DLG3: variants seen among roughly 807,000 people sequenced by gnomAD.
The protein encoded by DLG3 is discs large MAGUK scaffold protein 3, also known as disks large homolog 3.
A neutral mutation model predicts 64.1 loss-of-function variants in DLG3; 1 was observed. The ratio of observed to expected loss-of-function variants is 0.02; its 90% CI spans 0.01 to 0.07. The LOEUF (loss-of-function observed/expected upper bound fraction) is 0.07, where lower values mean the gene tolerates loss of function less well. DLG3 is among the 10% of genes least tolerant of loss of function. The pLI, the probability that DLG3 is intolerant of heterozygous loss-of-function variation, is 1.00. For synonymous variants in DLG3, 245 were observed against 259.8 expected (o/e 0.94, Z 0.55); for missense variants, 429 against 669.5 (o/e 0.64, Z 3.96).
chrX:70,466,445 T>C (rs2086888821), intron 9 of DLG3, among the ~76,000 whole-genome samples: 1 of 108,729 alleles, frequency 9.2e-6, no homozygotes, highest in Admixed American at 9.9e-5. Context: ...TGCTTTCTTT[T>C]TTTTTTTTTT....
chrX:70,500,790 G>T (rs1179575186), intron 17 of DLG3, 108 bp from the exon 18 acceptor site: 2 of 816,314 alleles, frequency 2.5e-6, no homozygotes, highest in East Asian at 6.9e-5. Flanking sequence ...GGCCACTGCT[G>T]CTCTGAGAGG....
intron 7 of DLG3, 198 bp downstream of exon 7, chrX:70,452,224 G>A (rs750022916): frequency 2.8e-6 from 3 of 1,080,036 alleles, no homozygotes; most frequent in Non-Finnish European, 3.6e-6. Flanking sequence ...GCAGGGACAA[G>A]CTCTACCATC....
At chrX:70,472,594 C>T (rs749092017) in intron 9 of DLG3, among the ~76,000 whole-genome samples, 1 of 111,181 alleles carries the variant, frequency 9.0e-6, no homozygotes, top group East Asian at 2.8e-4. Context: ...GAGAGCTTCC[C>T]AGTATTGGAC....
rs182485315 is a variant in DLG3, at chrX:70,483,253, C to T, written c.1520+3989C>T. ...AAGCTATGATCATGACACTGTATTCCGTCCTGGGTAACAGAGCAAGACCTT... is the reference window on the plus strand; with the variant it reads ...AAGCTATGATCATGACACTGTATTCTGTCCTGGGTAACAGAGCAAGACCTT... On this transcript the variant is annotated intron_variant, in intron 10 of 18. Coordinates refer to ENST00000374360, the MANE Select transcript of DLG3 (RefSeq NM_021120.4). Among the ~76,000 whole-genome samples the T allele has an allele frequency of 4.0e-4, 45 of 112,226 alleles. 1 individual carries two copies. The highest frequency in any genetic ancestry group is 3.4e-3 in the South Asian group (9 of 2,681).
chrX:70,496,078 A>G (rs1179041318), intron 13 of DLG3, among the ~76,000 whole-genome samples: 1 of 112,093 alleles, frequency 8.9e-6, no homozygotes, highest in African/African-American at 3.2e-5. Context: ...CTCCAACCTC[A>G]TTTTCCTTTC....
intron 10 of DLG3, among the ~76,000 whole-genome samples, chrX:70,491,562 G>A (rs1317966849): frequency 8.9e-6 from 1 of 112,594 alleles, no homozygotes; most frequent in Non-Finnish European, 1.9e-5. Flanking sequence ...GTAAGAGAAA[G>A]AGACCGCACT....
rs181097075 is a variant in DLG3 at position 70,489,178 on chromosome X, G to A, written c.1521-2929G>A. On this transcript the variant is annotated intron_variant, in intron 10 of 18. Coordinates refer to ENST00000374360, the MANE Select transcript of DLG3 (RefSeq NM_021120.4). ...ATGCTGTGGTTAAAAACATAAGCCC[G>A]AATAGTACAATTCCCAATGTGCAGA... is the stretch of plus-strand genomic sequence containing the variant. 4.7e-4 allele frequency among the ~76,000 whole-genome samples: 53 copies of A among 112,326 alleles called. No individual in the cohort carries two copies. The East Asian group carries it at 0.011, about 24-fold the overall frequency.
rs909249105 is a variant in DLG3 at position 70,502,018 on chromosome X, C to G, written c.2348-145C>G. On this transcript the variant is annotated intron_variant, in intron 18 of 18. Transcript: ENST00000374360. ...GCCAGCCAGTGAACCCAAGCCCAAA[C>G]CCATACTCCTGGGAACATGTCCTTC... is the stretch of plus-strand genomic sequence containing the variant. The G allele has an allele frequency of 2.2e-5, 11 of 511,388 alleles. No individual in the cohort carries two copies. The East Asian group carries it at 2.3e-4, about 11-fold the overall frequency. The allele number at this position is 511,388 out of a possible 1,213,427, so 42.1% of individuals were successfully genotyped here. A position where few individuals can be genotyped will look rare whatever the true frequency, so the allele number is the denominator to read the frequency against.
chrX:70,466,856 C>T (rs1208062999), intron 9 of DLG3, among the ~76,000 whole-genome samples: 1 of 111,725 alleles, frequency 9.0e-6, no homozygotes, highest in Non-Finnish European at 1.9e-5. Flanking sequence ...CTTGCCTACC[C>T]GAGGGCAAAT....
chrX:70,453,078 T>C, intron 7 of DLG3: 1 of 218,137 alleles, frequency 4.6e-6, no homozygotes, highest in Non-Finnish European at 8.2e-6. Context: ...TGCAACCCCC[T>C]GGGGCTACAT....
At chrX:70,481,276 G>A (rs954393336) in intron 10 of DLG3, among the ~76,000 whole-genome samples, 2 of 112,284 alleles carry the variant, frequency 1.8e-5, no homozygotes, top group Non-Finnish European at 3.8e-5. Flanking sequence ...TTAAAAAGAA[G>A]AAAATATCCC....
At chrX:70,448,708 T>C in intron 1 of DLG3, 1 of 1,048,527 alleles carries the variant, frequency 9.5e-7, no homozygotes, top group South Asian at 2.0e-5. Context: ...TGGGCTGATA[T>C]GGTTGGAAGC....
intron 10 of DLG3, among the ~76,000 whole-genome samples, chrX:70,479,560 C>T (rs887109411): frequency 2.7e-5 from 3 of 111,890 alleles, no homozygotes; most frequent in African/African-American, 9.7e-5. Context: ...GTCAAATGTT[C>T]AAAGTACTTT....
chrX:70,500,144 A>G, intron 16 of DLG3, 95 bp downstream of exon 16: 1 of 838,650 alleles, frequency 1.2e-6, no homozygotes, highest in Non-Finnish European at 1.7e-6. Flanking sequence ...GCTGCCCAAC[A>G]GTGCTGCTGA....
intron 9 of DLG3, among the ~76,000 whole-genome samples, chrX:70,457,330 G>A (rs990821935): frequency 3.6e-5 from 4 of 111,705 alleles, no homozygotes; most frequent in Non-Finnish European, 7.5e-5. Context: ...GATGTGGAGG[G>A]GAAGGTTAGA....
intron 9 of DLG3, among the ~76,000 whole-genome samples, chrX:70,471,415 C>T (rs1431886634): frequency 1.0e-4 from 11 of 107,929 alleles, no homozygotes; most frequent in Admixed American, 8.9e-4. Context: ...CTGCAAGCTC[C>T]GCCTCCTGGG....
chrX:70,481,967 A>G (rs190625082), intron 10 of DLG3, among the ~76,000 whole-genome samples: 13 of 112,014 alleles, frequency 1.2e-4, no homozygotes, highest in African/African-American at 3.6e-4. Context: ...ACAGACCTGC[A>G]TATCTACTAC....
At chrX:70,491,695 G>A (rs1478187695) in intron 10 of DLG3, among the ~76,000 whole-genome samples, 1 of 111,974 alleles carries the variant, frequency 8.9e-6, no homozygotes, top group African/African-American at 3.2e-5. Context: ...CATTGTTTGG[G>A]ATTGTAGTTA....
chrX:70,484,934 C>T (rs143889791), intron 10 of DLG3, among the ~76,000 whole-genome samples: 232 of 112,150 alleles, frequency 2.1e-3, no homozygotes, highest in African/African-American at 7.2e-3. Flanking sequence ...TGCTGTTAGG[C>T]TGCTCTTCAG....
Sources: allele counts gnomAD v4.1 joint callset (sites outside exome capture counted in the v4.1 genomes callset), GRCh38; gene constraint gnomAD v4.1.1; transcripts MANE v1.5; gene names NCBI Gene and HGNC (gene_info 2026-07-23, HGNC 2026-07-21).